The following FHIT variants were observed in gnomAD, a reference collection of about 807,000 sequenced individuals.
The protein encoded by FHIT is bis(5'-adenosyl)-triphosphatase.
In FHIT, 19 loss-of-function variants were observed where a neutral mutation model predicts 17.9. That is an observed-to-expected ratio of 1.06 (90% confidence interval 0.74 to 1.56). The LOEUF is 1.56. Among genes scored for constraint, FHIT ranks in the 40% most tolerant of loss-of-function variants. The probability of loss-of-function intolerance (pLI) is 0.00; values close to 1 mark genes in which losing one functional copy is unlikely to be tolerated. For missense variants in FHIT, 248 were observed against 189.2 expected (o/e 1.31, Z -1.82); for synonymous variants, 81 against 69.7 (o/e 1.16, Z -0.81).
intron 4 of FHIT, among the ~76,000 whole-genome samples, chr3:60,716,311 C>T (rs1368453471): frequency 6.6e-6 from 1 of 152,056 alleles, no homozygotes; most frequent in Admixed American, 6.6e-5. Context: ...AACACAAACA[C>T]ATCGTACAGC....
chr3:60,375,532 G>T (rs958801993), intron 5 of FHIT, among the ~76,000 whole-genome samples: 1 of 152,142 alleles, frequency 6.6e-6, no homozygotes, highest in Middle Eastern at 3.4e-3. Flanking sequence ...CAGAGATCAC[G>T]CCACTGCACT....
chr3:59,852,100 T>C (rs1701964357), intron 8 of FHIT, among the ~76,000 whole-genome samples: 1 of 152,180 alleles, frequency 6.6e-6, no homozygotes, highest in African/African-American at 2.4e-5. Context: ...ATTCAAGGTA[T>C]GGTGGAGTTC....
At chr3:59,782,606 A>G (rs766829665) in intron 8 of FHIT, among the ~76,000 whole-genome samples, 2 of 152,198 alleles carry the variant, frequency 1.3e-5, no homozygotes, top group African/African-American at 4.8e-5. Context: ...TTCTGCAGAC[A>G]GTTCAATACC....
chr3:60,514,870 G>A (rs1034117003), intron 5 of FHIT, among the ~76,000 whole-genome samples: 1 of 146,504 alleles, frequency 6.8e-6, no homozygotes, highest in East Asian at 1.9e-4. Flanking sequence ...GGACACTGAG[G>A]ACTCTCCCAC....
At chr3:59,894,191 G>A (rs1347743896) in intron 8 of FHIT, among the ~76,000 whole-genome samples, 2 of 152,056 alleles carry the variant, frequency 1.3e-5, no homozygotes, top group Admixed American at 1.3e-4. Context: ...GCTGCAGTGA[G>A]CCATGATCAT....
intron 8 of FHIT, among the ~76,000 whole-genome samples, chr3:59,825,026 G>A (rs1042651007): frequency 6.6e-6 from 1 of 152,192 alleles, no homozygotes; most frequent in African/African-American, 2.4e-5. Context: ...CACTGTGTAT[G>A]TTTTGGTAAA....
intron 5 of FHIT, among the ~76,000 whole-genome samples, chr3:60,303,823 C>A (rs1708547495): frequency 6.6e-6 from 1 of 152,084 alleles, no homozygotes; most frequent in East Asian, 1.9e-4. Flanking sequence ...TGCATTATAA[C>A]CCAACCCACT....
intron 8 of FHIT, among the ~76,000 whole-genome samples, chr3:59,890,782 G>A (rs1027787966): frequency 2.6e-5 from 4 of 152,106 alleles, no homozygotes; most frequent in African/African-American, 4.8e-5. Context: ...TTAGTTTCAC[G>A]TACAATGCTA....
At chr3:60,740,957 G>A (rs1553713733) in intron 4 of FHIT, among the ~76,000 whole-genome samples, 1 of 152,048 alleles carries the variant, frequency 6.6e-6, no homozygotes, top group Non-Finnish European at 1.5e-5. Flanking sequence ...ATGGTTCCTG[G>A]CTCTGTGGCC....
At chr3:59,824,998 G>A (rs1471969298) in intron 8 of FHIT, among the ~76,000 whole-genome samples, 2 of 152,134 alleles carry the variant, frequency 1.3e-5, no homozygotes, top group Non-Finnish European at 2.9e-5. Flanking sequence ...GGTTTTCAAA[G>A]GACTTTTGAA....
Position 61,104,214 on chromosome 3 carries a change from C to T in FHIT, c.-163-62115G>A, listed in dbSNP as rs187409919. ...TTGTAGTGGCTGGTAGCCATCCATTCTTCCCGTATTTAGTGCTTCCTTCAG... is the reference window on the plus strand; with the variant it reads ...TTGTAGTGGCTGGTAGCCATCCATTTTTCCCGTATTTAGTGCTTCCTTCAG... On this transcript the variant is annotated intron_variant, in intron 2 of 9. Transcript: ENST00000492590. Among the ~76,000 whole-genome samples, 10 of 152,292 alleles carry T rather than the reference C, an allele frequency of 6.6e-5. No individual in the cohort carries two copies. In the South Asian group the frequency reaches 1.2e-3, roughly 19 times the overall value.
At chr3:61,238,092 C>A (rs543864175) in intron 1 of FHIT, among the ~76,000 whole-genome samples, 10 of 152,136 alleles carry the variant, frequency 6.6e-5, no homozygotes, top group Non-Finnish European at 1.5e-4. Context: ...ACAGCACCAA[C>A]AATTGTCCCT....
intron 4 of FHIT, among the ~76,000 whole-genome samples, chr3:60,747,737 G>A (rs2042387572): frequency 6.6e-6 from 1 of 152,194 alleles, no homozygotes; most frequent in Non-Finnish European, 1.5e-5. Context: ...TGTGTTAGTT[G>A]TTTTCAACAA....
intron 4 of FHIT, among the ~76,000 whole-genome samples, chr3:60,811,896 G>A (rs376630919): frequency 1.3e-5 from 2 of 152,250 alleles, no homozygotes; most frequent in African/African-American, 4.8e-5. Flanking sequence ...TGTGGCATTC[G>A]ATACATAGTA....
At chr3:61,221,856 G>A (rs1452318924) in intron 1 of FHIT, among the ~76,000 whole-genome samples, 4 of 152,188 alleles carry the variant, frequency 2.6e-5, no homozygotes, top group African/African-American at 9.7e-5. Context: ...AAGAAGAGTG[G>A]GGTCCAACGT....
At chr3:60,211,544 C>T (rs1007081751) in intron 5 of FHIT, among the ~76,000 whole-genome samples, 1 of 152,162 alleles carries the variant, frequency 6.6e-6, no homozygotes, top group African/African-American at 2.4e-5. Context: ...TAAGCACTCA[C>T]AGAGGTGCTA....
At chr3:61,216,346 C>T (rs557508669) in intron 1 of FHIT, among the ~76,000 whole-genome samples, 5 of 152,330 alleles carry the variant, frequency 3.3e-5, no homozygotes, top group African/African-American at 1.2e-4. Flanking sequence ...CATGAAGAGA[C>T]ACTTCTCAAA....
intron 4 of FHIT, among the ~76,000 whole-genome samples, chr3:60,737,858 AT>A (rs1553712997): frequency 6.6e-6 from 1 of 152,058 alleles, no homozygotes; most frequent in African/African-American, 2.4e-5. Flanking sequence ...GTTTTTATTG[AT>A]TTTCCCCTAA....
At chr3:59,773,248 C>T (rs1007908108) in intron 8 of FHIT, among the ~76,000 whole-genome samples, 1 of 152,188 alleles carries the variant, frequency 6.6e-6, no homozygotes, top group Non-Finnish European at 1.5e-5. Flanking sequence ...CCAGAGCTCA[C>T]AGCCCCGGTG....
Sources: allele counts gnomAD v4.1 joint callset (sites outside exome capture counted in the v4.1 genomes callset), GRCh38; gene constraint gnomAD v4.1.1; transcripts MANE v1.5; gene names NCBI Gene and HGNC (gene_info 2026-07-23, HGNC 2026-07-21).